The following ZSWIM6 variants were observed in gnomAD, a reference collection of about 807,000 sequenced individuals.
The protein encoded by ZSWIM6 is zinc finger SWIM domain-containing protein 6.
Under a neutral mutation model 113.2 loss-of-function variants are expected in ZSWIM6, and 9 were observed. That is an observed-to-expected ratio of 0.08 (90% CI 0.05 to 0.14). The LOEUF is 0.14. Ranked by LOEUF, ZSWIM6 falls within the 10% of genes least tolerant of loss-of-function variation. The probability of loss-of-function intolerance (pLI) is 1.00; values close to 1 mark genes in which losing one functional copy is unlikely to be tolerated. For missense variants in ZSWIM6, 1,162 were observed against 1,552.2 expected, an observed-to-expected ratio of 0.75 and a Z score of 4.22; for synonymous variants, 611 against 606.5, an observed-to-expected ratio of 1.01 and a Z score of -0.11.
intron 1 of ZSWIM6, among the ~76,000 whole-genome samples, chr5:61,456,034 G>GA (rs1747199946): frequency 6.6e-6 from 1 of 151,976 alleles, no homozygotes; most frequent in Non-Finnish European, 1.5e-5. Context: ...TCACAGTCTT[G>GA]AAAATCGGAT....
chr5:61,332,670 C>T lies in ZSWIM6; in HGVS notation c.398C>T (p.Ala133Val), dbSNP rs1561194047. Residue 133 changes from alanine (A) to valine (V), a missense_variant, in exon 1 of 14, where the codon GCC (alanine) becomes GTC (valine). By Grantham distance (64) the Ala-to-Val change is moderately conservative. Around this residue, in one of 4 missense-constraint regions of ZSWIM6, gnomAD observed 333 missense variants for 293.4 expected, o/e 1.13. Transcript: ENST00000252744. ...MYSSFNTGGG[A>V]AGGPGDDSGG... is the part of the protein sequence containing the mutation. ...TCGTCCTTCAACACCGGCGGCGGCG[C>T]CGCGGGCGGCCCCGGCGACGACAGC... The T allele has an allele frequency of 1.8e-6, 2 of 1,106,550 alleles. No homozygotes were observed. Among genetic ancestry groups the T allele is most frequent in the Admixed American group, 3.4e-5 (1 of 29,688 alleles). 68.5% of individuals were successfully genotyped at this position (1,106,550 alleles called of 1,614,324 possible).
intron 1 of ZSWIM6, among the ~76,000 whole-genome samples, chr5:61,379,847 A>G (rs1284000509): frequency 6.6e-6 from 1 of 152,174 alleles, no homozygotes; most frequent in Non-Finnish European, 1.5e-5. Flanking sequence ...TCTGAGTCCT[A>G]GGGTAGGTAG....
intron 7 of ZSWIM6, 144 bp from the exon 8 acceptor site, chr5:61,529,908 C>T (rs1358171609): frequency 2.8e-6 from 2 of 718,630 alleles, no homozygotes; most frequent in Non-Finnish European, 4.3e-6. Context: ...TGATTGGTTT[C>T]TTAATTAAAA....
intron 1 of ZSWIM6, among the ~76,000 whole-genome samples, chr5:61,335,481 G>C (rs1375605214): frequency 6.6e-6 from 1 of 152,224 alleles, no homozygotes; most frequent in Non-Finnish European, 1.5e-5. Context: ...AGGGTGGCTA[G>C]ATTAACCATT....
chr5:61,465,160 T>C (rs1747409891), intron 1 of ZSWIM6, among the ~76,000 whole-genome samples: 1 of 152,196 alleles, frequency 6.6e-6, no homozygotes, highest in Non-Finnish European at 1.5e-5. Flanking sequence ...TTTAAAAGAT[T>C]GGGGCAAATA....
At chr5:61,333,011 G>GCCCC in intron 1 of ZSWIM6, 63 bp downstream of exon 1, 4 of 1,003,812 alleles carry the variant, frequency 4.0e-6, no homozygotes, top group Non-Finnish European at 5.0e-6. Context: ...GGGGGGGGGT[G>GCCCC]CCCGCCTTTC....
At chr5:61,499,812 G>T (rs1167103249) in intron 4 of ZSWIM6, among the ~76,000 whole-genome samples, 1 of 152,112 alleles carries the variant, frequency 6.6e-6, no homozygotes, top group East Asian at 1.9e-4. Context: ...ATAAAACCTG[G>T]ATTTTTGCTT....
intron 1 of ZSWIM6, among the ~76,000 whole-genome samples, chr5:61,348,509 A>G (rs1029454019): frequency 1.3e-5 from 2 of 152,232 alleles, no homozygotes; most frequent in African/African-American, 2.4e-5. Flanking sequence ...ATTATAGTTC[A>G]GAATGTAATC....
intron 1 of ZSWIM6, among the ~76,000 whole-genome samples, chr5:61,408,414 C>G (rs1232701952): frequency 6.6e-6 from 1 of 152,152 alleles, no homozygotes; most frequent in Admixed American, 6.5e-5. Flanking sequence ...TCTAAAAAAG[C>G]TTTAAAATAC....
intron 1 of ZSWIM6, among the ~76,000 whole-genome samples, chr5:61,430,568 A>AT (rs529782714): frequency 7.0e-4 from 106 of 151,656 alleles, no homozygotes; most frequent in Non-Finnish European, 1.2e-3. Context: ...GTATACGCAG[A>AT]TTTTTTTTTC....
At chr5:61,350,737 G>A (rs1040984988) in intron 1 of ZSWIM6, among the ~76,000 whole-genome samples, 8 of 152,148 alleles carry the variant, frequency 5.3e-5, no homozygotes, top group Non-Finnish European at 1.2e-4. Flanking sequence ...ATTAGGAGGC[G>A]TCTTGTCTTA....
intron 9 of ZSWIM6, among the ~76,000 whole-genome samples, chr5:61,534,263 GA>G (rs1191359698): frequency 6.6e-6 from 1 of 152,166 alleles, no homozygotes; most frequent in African/African-American, 2.4e-5. Flanking sequence ...TAAAATTAGA[GA>G]TTTAGATGTT....
Position 61,543,310 on chromosome 5 carries a change from A to G in ZSWIM6, c.2786-145A>G, listed in dbSNP as rs1561286955. 2.2e-6 allele frequency: 2 copies of G among 923,448 alleles called. No individual in the cohort carries two copies. The highest frequency in any genetic ancestry group is 2.7e-5 in the East Asian group (1 of 37,524). The allele number at this position is 923,448 out of a possible 1,614,324, so 57.2% of individuals were successfully genotyped here. On this transcript the variant is annotated intron_variant, in intron 13 of 13. Coordinates refer to ENST00000252744, the MANE Select transcript of ZSWIM6 (RefSeq NM_020928.2). The surrounding 1 kb of genome is among the most constrained non-coding windows in gnomAD (Gnocchi z 4.3). ...GACCTTATTCTTAAAGGTTTCTCAC[A>G]GGCACATTACTTTACAGGATTTTCT...
intron 1 of ZSWIM6, among the ~76,000 whole-genome samples, chr5:61,470,542 G>T (rs1033036390): frequency 2.0e-5 from 3 of 152,056 alleles, no homozygotes; most frequent in African/African-American, 7.2e-5. Flanking sequence ...ACTTTTTCAT[G>T]TGACTTTTTC....
intron 1 of ZSWIM6, among the ~76,000 whole-genome samples, chr5:61,364,155 C>T (rs754470155): frequency 2.1e-4 from 32 of 152,028 alleles, no homozygotes; most frequent in Non-Finnish European, 4.1e-4. Context: ...AGCAATCCTC[C>T]CACCTCCGCC....
At chr5:61,509,395 T>C (rs1748715726) in intron 4 of ZSWIM6, among the ~76,000 whole-genome samples, 2 of 152,158 alleles carry the variant, frequency 1.3e-5, no homozygotes, top group Non-Finnish European at 2.9e-5. Flanking sequence ...AGAAGTGTTT[T>C]GGCAAAGATA....
intron 4 of ZSWIM6, among the ~76,000 whole-genome samples, chr5:61,520,010 C>T (rs1019110390): frequency 2.6e-5 from 4 of 152,162 alleles, no homozygotes; most frequent in East Asian, 1.9e-4. Flanking sequence ...AATACTTGTT[C>T]GTCTGCCATT....
At chr5:61,440,419 C>T (rs1240600026) in intron 1 of ZSWIM6, among the ~76,000 whole-genome samples, 1 of 148,382 alleles carries the variant, frequency 6.7e-6, no homozygotes, top group Non-Finnish European at 1.5e-5. Flanking sequence ...GCTAACTCTT[C>T]ATATAGTAGG....
chr5:61,344,605 T>TA (rs1744617133), intron 1 of ZSWIM6, among the ~76,000 whole-genome samples: 1 of 152,202 alleles, frequency 6.6e-6, no homozygotes. Flanking sequence ...AGATAAGTAA[T>TA]ACCTACTGAG....
Sources: allele counts gnomAD v4.1 joint callset (sites outside exome capture counted in the v4.1 genomes callset), GRCh38; gene constraint gnomAD v4.1.1; regional missense constraint gnomAD v4.1.1; non-coding constraint Gnocchi (gnomAD v3.1); transcripts MANE v1.5; gene names NCBI Gene and HGNC (gene_info 2026-07-23, HGNC 2026-07-21).